Variants in EGFLAM observed in about 807,000 individuals in gnomAD.
EGFLAM encodes the protein pikachurin.
A neutral mutation model predicts 113.1 loss-of-function variants in EGFLAM; 79 were observed. That is an observed-to-expected ratio of 0.70 (90% CI 0.58 to 0.84). EGFLAM has a LOEUF of 0.84. EGFLAM is among the 40% of genes least tolerant of loss of function. EGFLAM has a pLI of 0.00. For synonymous variants in EGFLAM, 504 were observed against 487.6 expected (o/e 1.03, Z -0.44); for missense variants, 1,265 against 1,291.6 (o/e 0.98, Z 0.32).
chr5:38,449,070 G>A (rs1039169795), intron 18 of EGFLAM, among the ~76,000 whole-genome samples: 2 of 152,114 alleles, frequency 1.3e-5, no homozygotes, highest in African/African-American at 2.4e-5. Flanking sequence ...ACTCGGTCAA[G>A]CTTGTCTTTG....
chr5:38,329,998 C>T (rs1014124657), intron 1 of EGFLAM, among the ~76,000 whole-genome samples: 12 of 151,992 alleles, frequency 7.9e-5, no homozygotes, highest in Admixed American at 2.0e-4. Flanking sequence ...CAGCAGGGTC[C>T]GATTTAAATA....
chr5:38,408,339 GC>G (rs752472045), intron 9 of EGFLAM, among the ~76,000 whole-genome samples: 2 of 152,208 alleles, frequency 1.3e-5, no homozygotes, highest in Non-Finnish European at 2.9e-5. Context: ...CGCAAGCCTT[GC>G]TTCGTGAGGG....
intron 6 of EGFLAM, among the ~76,000 whole-genome samples, chr5:38,376,158 A>C (rs1196525760): frequency 6.6e-6 from 1 of 152,182 alleles, no homozygotes; most frequent in Non-Finnish European, 1.5e-5. Context: ...GCTTTGTAAA[A>C]AATGTATTCA....
At chr5:38,409,137 T>C (rs1262897900) in intron 10 of EGFLAM, 33 bp downstream of exon 10, 4 of 1,491,734 alleles carry the variant, frequency 2.7e-6, no homozygotes, top group African/African-American at 1.4e-5. Flanking sequence ...CACTCTTTTT[T>C]TGTTACATTA....
chr5:38,429,909 C>T (rs925898599), intron 14 of EGFLAM: 5 of 176,348 alleles, frequency 2.8e-5, no homozygotes, highest in Admixed American at 1.1e-4. Flanking sequence ...TGCAGCTTCT[C>T]AAAGAACCAC....
intron 1 of EGFLAM, among the ~76,000 whole-genome samples, chr5:38,312,132 GTTACAAGTGCTGGCTT>G (rs1360631224): frequency 7.9e-5 from 12 of 152,202 alleles, no homozygotes; most frequent in African/African-American, 2.6e-4. Context: ...GTATGGTGTG[GTTACAAGTGCTGGCTT>G]TGGAGCCAAT....
At chr5:38,455,113 A>G (rs943961344) in intron 19 of EGFLAM, among the ~76,000 whole-genome samples, 1 of 152,176 alleles carries the variant, frequency 6.6e-6, no homozygotes, top group African/African-American at 2.4e-5. Context: ...TCACATCTTC[A>G]TGCAACGAAG....
chr5:38,394,235 A>G (rs979564860), intron 6 of EGFLAM, among the ~76,000 whole-genome samples: 1 of 151,824 alleles, frequency 6.6e-6, no homozygotes, highest in Non-Finnish European at 1.5e-5. Context: ...ATTTGGTTGG[A>G]AAAACGGGGT....
chr5:38,438,100 C>G (rs1332311410), intron 16 of EGFLAM, among the ~76,000 whole-genome samples, 175 bp from the exon 17 acceptor site: 3 of 134,444 alleles, frequency 2.2e-5, no homozygotes, highest in Admixed American at 1.6e-4. Context: ...CCAGCCTGGG[C>G]AACACAGAAA....
At chr5:38,457,611 T>C (rs887385595) in intron 19 of EGFLAM, among the ~76,000 whole-genome samples, 1 of 152,176 alleles carries the variant, frequency 6.6e-6, no homozygotes, top group Non-Finnish European at 1.5e-5. Flanking sequence ...TCATTTTAAC[T>C]AATGAATCTG....
In EGFLAM at chr5:38,437,954, T is replaced by G. The variant is rs555300766; in HGVS notation, c.2284-321T>G. 3.0e-4 allele frequency among the ~76,000 whole-genome samples: 46 copies of G among 152,168 alleles called. 1 individual carries two copies. The highest frequency in any genetic ancestry group is 6.2e-4 in the South Asian group (3 of 4,814). ...GCCTGGCCAACATGGTGAAACCCCA[T>G]CTCTACTAAAAACAAAAATTAGCCG... On this transcript the variant is annotated intron_variant, in intron 16 of 21. Transcript: ENST00000322350.
At chr5:38,291,524 C>A (rs1758331859) in intron 1 of EGFLAM, among the ~76,000 whole-genome samples, 1 of 152,202 alleles carries the variant, frequency 6.6e-6, no homozygotes, top group Non-Finnish European at 1.5e-5. Context: ...CAGCAATTTG[C>A]AGCAGGTTCC....
In EGFLAM at chr5:38,435,848, C is replaced by T. The variant is rs958134426; in HGVS notation, c.2283+595C>T. Among the ~76,000 whole-genome samples the T allele has an allele frequency of 2.4e-4, 30 of 124,650 alleles. 1 individual carries two copies. Among genetic ancestry groups the T allele is most frequent in the South Asian group, 1.3e-3 (5 of 3,714 alleles). The allele number at this position is 124,650 out of a possible 152,430, so 81.8% of individuals were successfully genotyped here. A position where few individuals can be genotyped will look rare whatever the true frequency, so the allele number is the denominator to read the frequency against. On this transcript the variant is annotated intron_variant, in intron 16 of 21. Coordinates refer to ENST00000322350, the MANE Select transcript of EGFLAM (RefSeq NM_152403.4). The stretch of plus-strand genomic sequence containing the variant: ...TTTTTTTTTTTTTGAGATTGAGTCT[C>T]GCTCTGTCGCCCAGGCTGTAGCGCA...
chr5:38,399,067 G>T (rs180840029), intron 6 of EGFLAM, among the ~76,000 whole-genome samples: 22 of 152,284 alleles, frequency 1.4e-4, no homozygotes, highest in Non-Finnish European at 2.4e-4. Context: ...CATTCTAAGA[G>T]CCAAAGTGAG....
At chr5:38,452,601 G>A (rs1050240176) in intron 19 of EGFLAM, among the ~76,000 whole-genome samples, 3 of 152,170 alleles carry the variant, frequency 2.0e-5, no homozygotes, top group African/African-American at 7.2e-5. Context: ...GCTCAGGGAG[G>A]TCTAAAACCC....
intron 1 of EGFLAM, among the ~76,000 whole-genome samples, chr5:38,267,248 A>T (rs1213480483): frequency 1.3e-5 from 2 of 152,242 alleles, no homozygotes; most frequent in African/African-American, 4.8e-5. Flanking sequence ...ATCCCAAATC[A>T]GATTTAATGC....
intron 3 of EGFLAM, 69 bp from the exon 4 acceptor site, chr5:38,350,432 T>C: frequency 1.4e-6 from 2 of 1,466,512 alleles, no homozygotes; most frequent in African/African-American, 1.4e-5. Context: ...ATAAACCTCA[T>C]GGAAATTGTA....
At chr5:38,436,902 C>T (rs986517205) in intron 16 of EGFLAM, among the ~76,000 whole-genome samples, 14 of 152,186 alleles carry the variant, frequency 9.2e-5, no homozygotes, top group African/African-American at 3.4e-4. Context: ...CTCAACTCTC[C>T]CAGTGCTCTC....
chr5:38,407,906 G>A lies in EGFLAM; in HGVS notation c.1248+1G>A. 3.1e-6 allele frequency: 5 copies of A among 1,602,832 alleles called. No individual in the cohort carries two copies. The highest frequency in any genetic ancestry group is 4.3e-6 in the Non-Finnish European group (5 of 1,169,916). ...ATTTCAAATTACTCTTGAATTTAGG[G>A]TAAGAGGGATGTGTTGTTTGATGAG... On this transcript the variant is annotated splice_donor_variant, in intron 9 of 21. Transcript: ENST00000322350. LOFTEE classifies it high-confidence loss of function.
Sources: allele counts gnomAD v4.1 joint callset (sites outside exome capture counted in the v4.1 genomes callset), GRCh38; gene constraint gnomAD v4.1.1; transcripts MANE v1.5; gene names NCBI Gene and HGNC (gene_info 2026-07-23, HGNC 2026-07-21).